PDE8B: variants seen among roughly 807,000 people sequenced by gnomAD.
PDE8B encodes the protein phosphodiesterase 8B, also known as high affinity cAMP-specific and IBMX-insensitive 3',5'-cyclic phosphodiesterase 8B.
PDE8B carries 26 observed loss-of-function variants against 101.3 expected under a neutral mutation model. That is an observed-to-expected ratio of 0.26 (90% CI 0.19 to 0.36). The LOEUF (loss-of-function observed/expected upper bound fraction) is 0.36. Among genes scored for constraint, PDE8B ranks in the 10% least tolerant of loss-of-function variants. The pLI is 1.00. For synonymous variants in PDE8B, 424 were observed against 429.3 expected (o/e 0.99, Z 0.15); for missense variants, 810 against 1,163.1 (o/e 0.70, Z 4.42).
intron 10 of PDE8B, among the ~76,000 whole-genome samples, chr5:77,353,649 A>G (rs1781554776): frequency 6.6e-6 from 1 of 152,134 alleles, no homozygotes; most frequent in Admixed American, 6.5e-5. Flanking sequence ...AACTCTCTAG[A>G]CTAATATATG....
intron 17 of PDE8B, among the ~76,000 whole-genome samples, chr5:77,414,334 G>A (rs1050611873): frequency 6.6e-6 from 1 of 152,192 alleles, no homozygotes; most frequent in Non-Finnish European, 1.5e-5. Context: ...AACTAATAGT[G>A]ATATCAACCT....
At chr5:77,418,950 G>A (rs1041509198) in intron 18 of PDE8B, among the ~76,000 whole-genome samples, 7 of 152,110 alleles carry the variant, frequency 4.6e-5, no homozygotes, top group Non-Finnish European at 8.8e-5. Flanking sequence ...CAGGCTTGTG[G>A]GTATTTCCCA....
chr5:77,118,210 G>A, the PDE8B span: 1 of 389,554 alleles, frequency 2.6e-6, no homozygotes, highest in Non-Finnish European at 4.5e-6. Flanking sequence ...GCCTCCCAAA[G>A]TGCTGGGATT....
intron 1 of PDE8B, among the ~76,000 whole-genome samples, chr5:77,240,616 C>A (rs895018025): frequency 6.6e-6 from 1 of 152,216 alleles, no homozygotes; most frequent in Non-Finnish European, 1.5e-5. Flanking sequence ...ATCACTAGGG[C>A]TAGCTATTAA....
intron 5 of PDE8B, among the ~76,000 whole-genome samples, chr5:77,333,085 G>A (rs1777465591): frequency 1.3e-5 from 2 of 151,998 alleles, no homozygotes; most frequent in African/African-American, 4.8e-5. Flanking sequence ...GTGGAAGAAA[G>A]TGCTATAGAG....
In PDE8B at chr5:77,281,022, C is replaced by T. The variant is rs779979210; in HGVS notation, c.340-30972C>T. On this transcript the variant is annotated intron_variant, in intron 1 of 21. Coordinates refer to ENST00000264917, the MANE Select transcript of PDE8B (RefSeq NM_003719.5). ...CATATGTGAATGCAGGTCCACCTGC[C>T]GAGGGGCTGGAGGTGTGCTTGCTGC... Among the ~76,000 whole-genome samples the T allele has an allele frequency of 4.6e-4, 70 of 152,356 alleles. 1 individual carries two copies. The Middle Eastern group carries it at 0.024, about 52-fold the overall frequency.
chr5:77,256,305 G>A (rs557085899), intron 1 of PDE8B, among the ~76,000 whole-genome samples: 8 of 152,124 alleles, frequency 5.3e-5, no homozygotes, highest in East Asian at 1.9e-4. Context: ...ATACACACAC[G>A]CATGCTCACA....
At chr5:77,300,844 T>C (rs1184316007) in intron 1 of PDE8B, among the ~76,000 whole-genome samples, 1 of 152,254 alleles carries the variant, frequency 6.6e-6, no homozygotes, top group African/African-American at 2.4e-5. Context: ...AATGGTGCTT[T>C]TTATCAATAA....
chr5:77,146,087 T>C, the PDE8B span: 1 of 152,216 alleles, frequency 6.6e-6, no homozygotes, highest in Non-Finnish European at 1.5e-5. Context: ...TCCTTCATTG[T>C]GCATTAGGAG....
chr5:77,213,667 C>T (rs954666528), intron 1 of PDE8B, among the ~76,000 whole-genome samples: 29 of 152,224 alleles, frequency 1.9e-4, no homozygotes, highest in African/African-American at 5.8e-4. Flanking sequence ...AAATCTTTAC[C>T]ATTTGGTCCT....
intron 17 of PDE8B, among the ~76,000 whole-genome samples, chr5:77,414,537 C>T (rs1320194592): frequency 6.6e-6 from 1 of 152,024 alleles, no homozygotes. Context: ...TCTCCTGCCT[C>T]AGCCTCCTGA....
the PDE8B span, among the ~76,000 whole-genome samples, chr5:77,117,670 G>T: frequency 6.6e-6 from 1 of 152,190 alleles, no homozygotes; most frequent in South Asian, 2.1e-4. Flanking sequence ...TGATCTGGAA[G>T]ATGTTTATTC....
intron 1 of PDE8B, among the ~76,000 whole-genome samples, chr5:77,267,460 G>A (rs1037474796): frequency 6.7e-6 from 1 of 148,676 alleles, no homozygotes; most frequent in African/African-American, 2.6e-5. Context: ...AAAAAAGGGT[G>A]GAAAACATTG....
intron 2 of PDE8B, among the ~76,000 whole-genome samples, chr5:77,313,111 G>C (rs149630734): frequency 6.6e-6 from 1 of 152,152 alleles, no homozygotes; most frequent in East Asian, 1.9e-4. Context: ...TAGCTTATTA[G>C]CACCTGGAAT....
chr5:77,116,953 T>TC, the PDE8B span, among the ~76,000 whole-genome samples: 1 of 152,066 alleles, frequency 6.6e-6, no homozygotes, highest in Non-Finnish European at 1.5e-5. Context: ...AAGTGCCCTT[T>TC]CCCCCCAGGC....
the PDE8B span, among the ~76,000 whole-genome samples, chr5:77,184,986 C>A: frequency 1.3e-5 from 2 of 152,214 alleles, no homozygotes; most frequent in Admixed American, 1.3e-4. Context: ...TGTAACTGCA[C>A]TATCTAGAAC....
chr5:77,409,485 A>G (rs1369892529), intron 14 of PDE8B, among the ~76,000 whole-genome samples: 2 of 152,170 alleles, frequency 1.3e-5, no homozygotes, highest in Non-Finnish European at 2.9e-5. Flanking sequence ...AATCTTAACT[A>G]TAGAATCCTT....
chr5:77,134,924 G>A, the PDE8B span, among the ~76,000 whole-genome samples: 1 of 152,164 alleles, frequency 6.6e-6, no homozygotes, highest in Non-Finnish European at 1.5e-5. Context: ...GAAAAGAAAT[G>A]GACTGTGGCA....
At chr5:77,336,947 A>T (rs940273111) in intron 5 of PDE8B, among the ~76,000 whole-genome samples, 13 of 152,230 alleles carry the variant, frequency 8.5e-5, no homozygotes, top group African/African-American at 3.1e-4. Flanking sequence ...AGTCATTTAC[A>T]TGGCTGGGCA....
Sources: gnomAD v4.1 joint callset for allele counts (sites outside exome capture counted in the v4.1 genomes callset) on GRCh38, gnomAD v4.1.1 for gene constraint, MANE v1.5 for transcripts, NCBI Gene and HGNC (gene_info 2026-07-23, HGNC 2026-07-21) for gene names.